Variants in ABTB2 observed in about 807,000 individuals in gnomAD.
ABTB2 encodes ankyrin repeat and BTB/POZ domain-containing protein 2.
A neutral mutation model predicts 104.1 loss-of-function variants in ABTB2; 56 were observed. That is an observed-to-expected ratio of 0.54 (90% CI 0.43 to 0.67). ABTB2 has a LOEUF of 0.67. Ranked by LOEUF, ABTB2 falls within the 30% of genes least tolerant of loss-of-function variation. The probability of loss-of-function intolerance (pLI) is 0.00; values close to 1 mark genes in which losing one functional copy is unlikely to be tolerated. For missense variants in ABTB2, 1,279 were observed against 1,407.7 expected, an observed-to-expected ratio of 0.91 and a Z score of 1.46; for synonymous variants, 606 against 608.2, an observed-to-expected ratio of 1.00 and a Z score of 0.05.
At position 34,164,433 on chromosome 11, in the gene ABTB2, C is replaced by T. The variant is rs571326812; in HGVS notation, c.1988+253G>A. On this transcript the variant is annotated intron_variant, in intron 9 of 16. Transcript: ENST00000435224. The stretch of plus-strand genomic sequence containing the variant: ...AGTGGCATCTCACTGGGAAATGGGA[C>T]GGTCTGCCCTGGGCGTCGGGAGGCC... 7.2e-5 allele frequency among the ~76,000 whole-genome samples: 11 copies of T among 152,308 alleles called. No homozygotes were observed. In the East Asian group the frequency reaches 9.6e-4, roughly 13 times the overall value.
At chr11:34,253,481 G>A (rs2133070120) in intron 1 of ABTB2, among the ~76,000 whole-genome samples, 1 of 152,250 alleles carries the variant, frequency 6.6e-6, no homozygotes, top group East Asian at 1.9e-4. Context: ...TTCAAGACCA[G>A]CCTGGCCAGC....
At position 34,178,976 on chromosome 11, in the gene ABTB2, TGA is replaced by T. The variant is rs955646719; in HGVS notation, c.1245-5671_1245-5670del. 2.7e-5 allele frequency among the ~76,000 whole-genome samples: 4 copies of T among 150,180 alleles called. No individual in the cohort carries two copies. The Admixed American group carries it at 2.7e-4, about 10-fold the overall frequency. ...CTGTAGTCCAAGCTACTCAGGAGGC[TGA>T]GGCAGGAGAATTGCTTGAGCCCAGA... On this transcript the variant is annotated intron_variant, in intron 3 of 16. Coordinates refer to ENST00000435224, the MANE Select transcript of ABTB2 (RefSeq NM_145804.3).
intron 3 of ABTB2, among the ~76,000 whole-genome samples, chr11:34,176,139 G>A (rs901922522): frequency 6.6e-6 from 1 of 152,042 alleles, no homozygotes; most frequent in African/African-American, 2.4e-5. Context: ...AGTTAGCCGG[G>A]CGTGGTGGTA....
chr11:34,227,039 A>G (rs6484701), intron 1 of ABTB2, among the ~76,000 whole-genome samples: 92,189 of 151,746 alleles, frequency 0.61, 28,272 homozygotes, highest in Non-Finnish European at 0.66. Context: ...TCCAGCCTGA[A>G]AAAGACTCTG....
In ABTB2 at chr11:34,155,205, A is replaced by G. The variant is rs114739908; in HGVS notation, c.2698-436T>C. The stretch of plus-strand genomic sequence containing the variant: ...GGTGTGATCTAAATTCTACACAGGG[A>G]GTAGCAGTGGGAGGGTCTCTGAAGG... On this transcript the variant is annotated intron_variant, in intron 14 of 16. Coordinates refer to ENST00000435224, the MANE Select transcript of ABTB2 (RefSeq NM_145804.3). Among the ~76,000 whole-genome samples, 981 of 152,336 alleles carry G rather than the reference A, an allele frequency of 6.4e-3. 13 individuals carry two copies. Among genetic ancestry groups the G allele is most frequent in the African/African-American group, 0.022 (922 of 41,582 alleles).
chr11:34,280,095 A>G (rs1434712627), intron 1 of ABTB2, among the ~76,000 whole-genome samples: 1 of 152,092 alleles, frequency 6.6e-6, no homozygotes, highest in Non-Finnish European at 1.5e-5. Flanking sequence ...ATAAATAAAC[A>G]TTTGATCCTC....
chr11:34,306,275 T>C (rs1854770157), intron 1 of ABTB2, among the ~76,000 whole-genome samples: 1 of 113,980 alleles, frequency 8.8e-6, no homozygotes, highest in Non-Finnish European at 1.7e-5. Flanking sequence ...TGAGACGGAG[T>C]CTTCTCTGTC....
chr11:34,197,470 C>A lies in ABTB2; in HGVS notation c.1099G>T (p.Ala367Ser), dbSNP rs1237621735. The stretch of plus-strand genomic sequence containing the variant: ...TGTGGCGGCTGGCGGGCCTGGCGGG[C>A]AGGGCTGGCACCCGGGCACAGGGGG... ...RHPLCPGASP[A>S]RQARQPPQPI... The change falls in exon 3 of 17, where the codon GCC becomes TCC. Residue 367 changes from alanine to serine, a missense_variant. Physicochemically the swap from Ala to Ser is moderately conservative, Grantham distance 99. Coordinates refer to ENST00000435224, the MANE Select transcript of ABTB2 (RefSeq NM_145804.3). The A allele has an allele frequency of 6.3e-7, 1 of 1,586,434 alleles. No individual in the cohort carries two copies. Among genetic ancestry groups the A allele is most frequent in the Non-Finnish European group, 8.6e-7 (1 of 1,166,992 alleles).
chr11:34,332,680 C>G (rs979323403), intron 1 of ABTB2, among the ~76,000 whole-genome samples: 4 of 152,106 alleles, frequency 2.6e-5, no homozygotes, highest in Non-Finnish European at 4.4e-5. Context: ...TCCAGCCTAG[C>G]CCGCTGTCCA....
chr11:34,304,273 T>C (rs1349954216), intron 1 of ABTB2, among the ~76,000 whole-genome samples: 1 of 152,226 alleles, frequency 6.6e-6, no homozygotes, highest in Non-Finnish European at 1.5e-5. Flanking sequence ...ATTCTTTTTG[T>C]CTTTATTTTT....
intron 1 of ABTB2, among the ~76,000 whole-genome samples, chr11:34,211,598 A>T (rs1175728973): frequency 6.6e-6 from 1 of 152,140 alleles, no homozygotes; most frequent in African/African-American, 2.4e-5. Context: ...AAAGTGATTC[A>T]TCAGGAATAA....
chr11:34,325,033 C>T (rs2133113200), intron 1 of ABTB2, among the ~76,000 whole-genome samples: 1 of 152,248 alleles, frequency 6.6e-6, no homozygotes, highest in African/African-American at 2.4e-5. Context: ...CTCCTGGCTT[C>T]AAGTAATCCT....
At chr11:34,305,330 G>A (rs1387333216) in intron 1 of ABTB2, among the ~76,000 whole-genome samples, 6 of 152,306 alleles carry the variant, frequency 3.9e-5, no homozygotes, top group East Asian at 3.9e-4. Flanking sequence ...GCTTGCTCCC[G>A]CATGCACACA....
chr11:34,202,098 T>G (rs1248052644), intron 2 of ABTB2, among the ~76,000 whole-genome samples: 1 of 152,200 alleles, frequency 6.6e-6, no homozygotes, highest in Non-Finnish European at 1.5e-5. Context: ...ACTCTTCTAG[T>G]CAGAGGAGAG....
At chr11:34,199,332 C>T (rs1853307274) in intron 2 of ABTB2, among the ~76,000 whole-genome samples, 1 of 152,116 alleles carries the variant, frequency 6.6e-6, no homozygotes, top group African/African-American at 2.4e-5. Context: ...CCTCCCTACT[C>T]CTGACTACTC....
At chr11:34,210,150 T>G (rs1340888062) in intron 1 of ABTB2, among the ~76,000 whole-genome samples, 1 of 152,104 alleles carries the variant, frequency 6.6e-6, no homozygotes, top group Non-Finnish European at 1.5e-5. Flanking sequence ...TCTAAAGGGT[T>G]TTTAGAAGCA....
In ABTB2 at chr11:34,356,075, G is replaced by A. The variant is rs552125343; in HGVS notation, c.883+626C>T. The stretch of plus-strand genomic sequence containing the variant: ...TACTTTTCTGGGAAGGGGAGTCGGG[G>A]TCCCCAGGTTTCATCATTCCTGGGC... On this transcript the variant is annotated intron_variant, in intron 1 of 16. Coordinates refer to ENST00000435224, the MANE Select transcript of ABTB2 (RefSeq NM_145804.3). The surrounding 1 kb of genome is among the most constrained non-coding windows in gnomAD (Gnocchi z 4.6). Among the ~76,000 whole-genome samples, 2 of 152,252 alleles carry A rather than the reference G, an allele frequency of 1.3e-5. No individual in the cohort carries two copies. The highest frequency in any genetic ancestry group is 2.1e-4 in the South Asian group (1 of 4,820).
chr11:34,252,425 T>C lies in ABTB2; in HGVS notation c.884-47735A>G, dbSNP rs1003268124. ...ATGACCACTGCTTAACCAGCCCTCC[T>C]CAGTCACAGGGGGAGAGTGCCATCT... On this transcript the variant is annotated intron_variant, in intron 1 of 16. Transcript: ENST00000435224. This position sits in a 1 kb window ranked among gnomAD's most constrained non-coding sequence, Gnocchi z 5.5. Among the ~76,000 whole-genome samples, 4 of 152,074 alleles carry C rather than the reference T, an allele frequency of 2.6e-5. No homozygotes were observed.
At chr11:34,250,910 G>A (rs1173908624) in intron 1 of ABTB2, among the ~76,000 whole-genome samples, 1 of 152,112 alleles carries the variant, frequency 6.6e-6, no homozygotes, top group African/African-American at 2.4e-5. Context: ...GAAAACCGAG[G>A]TTCAGAGAGG....
Sources: gnomAD v4.1 joint callset for allele counts (sites outside exome capture counted in the v4.1 genomes callset) on GRCh38, gnomAD v4.1.1 for gene constraint, Gnocchi (gnomAD v3.1) non-coding constraint, MANE v1.5 for transcripts, NCBI Gene and HGNC (gene_info 2026-07-23, HGNC 2026-07-21) for gene names.